Variants in ANK3 observed in about 807,000 individuals in gnomAD.
ANK3 encodes the protein ankyrin 3.
A neutral mutation model predicts 370.9 loss-of-function variants in ANK3; 57 were observed. The observed-to-expected ratio is 0.15, with a 90% confidence interval of 0.12 to 0.19. ANK3 has a LOEUF of 0.19. ANK3 is among the 10% of genes least tolerant of loss of function. The pLI, the probability that ANK3 is intolerant of heterozygous loss-of-function variation, is 1.00. For missense variants in ANK3, 4,439 were observed against 5,302.1 expected (o/e 0.84, Z 5.06); for synonymous variants, 1,929 against 1,946.3 (o/e 0.99, Z 0.23).
chr10:60,221,688 C>T (rs192354338), intron 8 of ANK3, among the ~76,000 whole-genome samples: 10 of 152,278 alleles, frequency 6.6e-5, no homozygotes, highest in Non-Finnish European at 1.0e-4. Flanking sequence ...CAAGGCTGCA[C>T]GCACCAAATT....
At chr10:60,191,071 T>C (rs530358102) in intron 16 of ANK3, among the ~76,000 whole-genome samples, 1 of 152,262 alleles carries the variant, frequency 6.6e-6, no homozygotes, top group African/African-American at 2.4e-5. Flanking sequence ...TCTCACCATA[T>C]ACAAAAATTA....
At position 60,027,173 on chromosome 10, in the gene ANK3, G is replaced by A. The variant is rs2072442427; in HGVS notation, c.*2673C>T. The A allele has an allele frequency of 6.6e-6, 1 of 151,788 alleles. No homozygotes were observed. Among genetic ancestry groups the A allele is most frequent in the Non-Finnish European group, 1.5e-5 (1 of 67,978 alleles). 9.4% of individuals were successfully genotyped at this position (151,788 alleles called of 1,614,324 possible). On this transcript the variant is annotated 3_prime_UTR_variant, in exon 44 of 44. Transcript: ENST00000280772. ...ACAGGTATACATCATTGAGTTTCTG[G>A]TTCAGGATAAACACCTTCTCTCAAA...
At chr10:60,485,462 C>T (rs1319649391) in intron 2 of ANK3, among the ~76,000 whole-genome samples, 3 of 152,160 alleles carry the variant, frequency 2.0e-5, no homozygotes, top group South Asian at 2.1e-4. Context: ...TCAGGGAAGG[C>T]TTTAACAATG....
chr10:60,393,870 G>A (rs1227372224), upstream of ANK3, among the ~76,000 whole-genome samples: 1 of 151,902 alleles, frequency 6.6e-6, no homozygotes, highest in Non-Finnish European at 1.5e-5. Flanking sequence ...ATATTACACT[G>A]TACTATAAAG....
rs1051089395 is a variant in ANK3 at position 60,433,609 on chromosome 10, GA to G, written c.97-153971del. The stretch of plus-strand genomic sequence containing the variant: ...ACAGAGTGAGACTCTGTCTCAAAAA[GA>G]ACGAAAGAAAAAGAAAAAACAAATG... On this transcript the variant is annotated intron_variant, in intron 2 of 43. Coordinates refer to the ANK3 transcript ENST00000373827. Among the ~76,000 whole-genome samples the G allele has an allele frequency of 2.2e-4, 33 of 152,110 alleles. No homozygotes were observed. In the East Asian group the frequency reaches 6.4e-3, roughly 29 times the overall value.
At chr10:60,222,829 C>T (rs1435937480) in intron 8 of ANK3, among the ~76,000 whole-genome samples, 1 of 152,124 alleles carries the variant, frequency 6.6e-6, no homozygotes, top group African/African-American at 2.4e-5. Flanking sequence ...TTCCCACTTC[C>T]TACAGGATCC....
chr10:60,117,467 C>G (rs898433335), intron 25 of ANK3, among the ~76,000 whole-genome samples: 1 of 151,998 alleles, frequency 6.6e-6, no homozygotes, highest in African/African-American at 2.4e-5. Context: ...TTGATATGCA[C>G]AGAGGACATC....
At chr10:60,718,113 A>C (rs1328908821) in intron 1 of ANK3, among the ~76,000 whole-genome samples, 2 of 152,194 alleles carry the variant, frequency 1.3e-5, no homozygotes, top group African/African-American at 4.8e-5. Context: ...ATTATCTGAG[A>C]CTTAGCTATT....
intron 1 of ANK3, among the ~76,000 whole-genome samples, chr10:60,373,625 GA>G (rs528167561): frequency 3.9e-5 from 6 of 152,020 alleles, no homozygotes; most frequent in Non-Finnish European, 7.4e-5. Flanking sequence ...ACTCCTAGAG[GA>G]AAAAAAGTGA....
intron 2 of ANK3, among the ~76,000 whole-genome samples, chr10:60,570,892 G>T (rs554208818): frequency 6.6e-6 from 1 of 152,080 alleles, no homozygotes; most frequent in Non-Finnish European, 1.5e-5. Context: ...ATAAAAGCTC[G>T]ATGATTTACA....
chr10:60,446,899 C>G (rs1216937403), intron 2 of ANK3, among the ~76,000 whole-genome samples: 2 of 152,180 alleles, frequency 1.3e-5, no homozygotes, highest in Non-Finnish European at 2.9e-5. Context: ...GATGAGCTTA[C>G]TTTGACATTT....
At chr10:60,439,297 T>C (rs1402970900) in intron 2 of ANK3, among the ~76,000 whole-genome samples, 1 of 152,168 alleles carries the variant, frequency 6.6e-6, no homozygotes, top group African/African-American at 2.4e-5. Flanking sequence ...ATATCTTATT[T>C]ATCAAAAATA....
At chr10:60,601,004 C>G (rs540561152) in intron 2 of ANK3, among the ~76,000 whole-genome samples, 2 of 152,100 alleles carry the variant, frequency 1.3e-5, no homozygotes, top group African/African-American at 4.8e-5. Flanking sequence ...ACAGAGGTGT[C>G]CCCAAATAAG....
At chr10:60,693,329 G>T (rs1337894892) in intron 1 of ANK3, among the ~76,000 whole-genome samples, 1 of 152,106 alleles carries the variant, frequency 6.6e-6, no homozygotes, top group Non-Finnish European at 1.5e-5. Flanking sequence ...GGGGAGGGGC[G>T]CCCGCCATTG....
At chr10:60,653,016 T>C (rs1207573522) in intron 1 of ANK3, among the ~76,000 whole-genome samples, 1 of 152,210 alleles carries the variant, frequency 6.6e-6, no homozygotes. Context: ...TCTTCGGTTG[T>C]CTTGTTATAA....
At chr10:60,121,875 T>G (rs953573887) in intron 25 of ANK3, among the ~76,000 whole-genome samples, 2 of 152,214 alleles carry the variant, frequency 1.3e-5, no homozygotes, top group African/African-American at 4.8e-5. Flanking sequence ...GTGCACTGCA[T>G]GCCTGTATAA....
intron 17 of ANK3, 89 bp downstream of exon 17, chr10:60,186,626 G>A: frequency 1.5e-6 from 2 of 1,337,682 alleles, no homozygotes; most frequent in Non-Finnish European, 2.1e-6. Flanking sequence ...CATCCTATTT[G>A]ACTCAGATCT....
chr10:60,524,233 C>T (rs1172206637), intron 2 of ANK3, among the ~76,000 whole-genome samples: 2 of 152,108 alleles, frequency 1.3e-5, no homozygotes, highest in African/African-American at 4.8e-5. Flanking sequence ...TTTTAACCAG[C>T]CATCCCAGGT....
chr10:60,446,041 A>C (rs1277852428), intron 2 of ANK3, among the ~76,000 whole-genome samples: 1 of 152,188 alleles, frequency 6.6e-6, no homozygotes, highest in Non-Finnish European at 1.5e-5. Flanking sequence ...GGAAAGCAGA[A>C]AGCAATTTGT....
Sources: allele counts gnomAD v4.1 joint callset (sites outside exome capture counted in the v4.1 genomes callset), GRCh38; gene constraint gnomAD v4.1.1; transcripts MANE v1.5; gene names NCBI Gene and HGNC (gene_info 2026-07-23, HGNC 2026-07-21).